Variants in COL13A1 observed in about 807,000 individuals in gnomAD.
The protein encoded by COL13A1 is collagen alpha-1(XIII) chain.
Under a neutral mutation model 130.9 loss-of-function variants are expected in COL13A1, and 89 were observed. The observed-to-expected ratio is 0.68, with a 90% CI of 0.57 to 0.81. The LOEUF (loss-of-function observed/expected upper bound fraction) is 0.81. COL13A1 is among the 30% of genes least tolerant of loss of function. The pLI is 0.00. For missense variants in COL13A1, 879 were observed against 934.6 expected (o/e 0.94, Z 0.78); for synonymous variants, 402 against 341.6 (o/e 1.18, Z -1.95).
At chr10:69,843,911 G>A (rs1394534870) in intron 2 of COL13A1, among the ~76,000 whole-genome samples, 1 of 152,212 alleles carries the variant, frequency 6.6e-6, no homozygotes, top group Non-Finnish European at 1.5e-5. Flanking sequence ...TTGAACATCT[G>A]CTGTGGGCCA....
At chr10:69,876,633 G>A (rs540504246) in intron 5 of COL13A1, among the ~76,000 whole-genome samples, 16 of 152,278 alleles carry the variant, frequency 1.1e-4, no homozygotes, top group South Asian at 2.1e-4. Context: ...CTCCCAAGCC[G>A]TCACAGGCTC....
chr10:69,894,473 C>T, intron 10 of COL13A1, 79 bp from the exon 11 acceptor site: 1 of 1,560,744 alleles, frequency 6.4e-7, no homozygotes, highest in East Asian at 2.3e-5. Flanking sequence ...GGATTCAGCC[C>T]CAATCCCCAC....
rs1351259855 is a variant in COL13A1, at chr10:69,938,931, C to T, written c.1878+1216C>T. On this transcript the variant is annotated intron_variant, in intron 34 of 40. Transcript: ENST00000645393. ...TCAACCACAAACCTCTTCTTATCCA[C>T]ATTCATGGCCCCAACGACCTTGATG... is the stretch of plus-strand genomic sequence containing the variant. 3.5e-4 allele frequency among the ~76,000 whole-genome samples: 53 copies of T among 152,178 alleles called. 1 individual carries two copies. The highest frequency in any genetic ancestry group is 3.5e-3 in the Admixed American group (53 of 15,272).
At chr10:69,915,789 T>G (rs2063855759) in intron 17 of COL13A1, among the ~76,000 whole-genome samples, 1 of 152,048 alleles carries the variant, frequency 6.6e-6, no homozygotes, top group Non-Finnish European at 1.5e-5. Flanking sequence ...AGACTCCAAA[T>G]GATGAATAGG....
intron 34 of COL13A1, among the ~76,000 whole-genome samples, chr10:69,938,644 G>C (rs950807599): frequency 4.6e-5 from 7 of 152,210 alleles, no homozygotes; most frequent in Non-Finnish European, 1.0e-4. Flanking sequence ...TAGCCATAAA[G>C]AGCAGAGAAA....
At chr10:69,827,474 C>T (rs1020647627) in intron 2 of COL13A1, among the ~76,000 whole-genome samples, 3 of 152,146 alleles carry the variant, frequency 2.0e-5, no homozygotes, top group African/African-American at 7.2e-5. Flanking sequence ...TGCCTCTGCC[C>T]TGGCTGTGCT....
At chr10:69,869,891 C>G (rs1053420279) in intron 3 of COL13A1, among the ~76,000 whole-genome samples, 1 of 152,188 alleles carries the variant, frequency 6.6e-6, no homozygotes, top group Non-Finnish European at 1.5e-5. Flanking sequence ...CAGCAGCTGC[C>G]AGGCCTTGCT....
In COL13A1 at chr10:69,858,665, C is replaced by T. The variant is rs549388877; in HGVS notation, c.365-9133C>T. The stretch of plus-strand genomic sequence containing the variant: ...CTGGGAGCCAACTTCAGGCAAGAGA[C>T]GAGCATGGTCTGAACTTAGCCCAGG... On this transcript the variant is annotated intron_variant, in intron 2 of 40. Coordinates refer to ENST00000645393, the MANE Select transcript of COL13A1 (RefSeq NM_001368882.1). Among the ~76,000 whole-genome samples the T allele has an allele frequency of 1.3e-3, 198 of 152,290 alleles. 1 individual carries two copies. Among genetic ancestry groups the T allele is most frequent in the Non-Finnish European group, 7.9e-4 (54 of 68,032 alleles).
At chr10:69,931,017 C>T (rs1337580935) in intron 30 of COL13A1, 9 of 351,536 alleles carry the variant, frequency 2.6e-5, no homozygotes, top group Non-Finnish European at 2.3e-5. Context: ...CTCTGGGTCT[C>T]AGGGGTTTCC....
intron 6 of COL13A1, among the ~76,000 whole-genome samples, chr10:69,879,695 A>G (rs2059940301): frequency 6.6e-6 from 1 of 152,160 alleles, no homozygotes; most frequent in African/African-American, 2.4e-5. Flanking sequence ...AGGTTTTGTG[A>G]CTTTTCCTGG....
At chr10:69,836,581 T>G (rs900046533) in intron 2 of COL13A1, among the ~76,000 whole-genome samples, 1 of 152,138 alleles carries the variant, frequency 6.6e-6, no homozygotes, top group Non-Finnish European at 1.5e-5. Context: ...ACAAACTCAC[T>G]TCCTCCCACC....
chr10:69,952,601 G>A (rs1039079229), intron 38 of COL13A1, among the ~76,000 whole-genome samples: 4 of 152,064 alleles, frequency 2.6e-5, no homozygotes, highest in Non-Finnish European at 5.9e-5. Flanking sequence ...TAGCAAAACC[G>A]GCCACCAAAA....
intron 1 of COL13A1, among the ~76,000 whole-genome samples, chr10:69,805,883 A>T (rs1841432842): frequency 6.6e-6 from 1 of 152,236 alleles, no homozygotes; most frequent in Admixed American, 6.5e-5. Context: ...GTTTTGTTAC[A>T]AAACAATTCT....
intron 2 of COL13A1, chr10:69,829,190 A>G (rs903396234): frequency 1.0e-6 from 1 of 979,132 alleles, no homozygotes; most frequent in African/African-American, 1.8e-5. Context: ...CATTCATCCC[A>G]CTCTGTCAAT....
intron 10 of COL13A1, among the ~76,000 whole-genome samples, chr10:69,893,193 A>C (rs1451564401): frequency 6.6e-6 from 1 of 152,250 alleles, no homozygotes; most frequent in Non-Finnish European, 1.5e-5. Flanking sequence ...TCTACAAAAA[A>C]ATGCAAGAGT....
In COL13A1 at chr10:69,952,923, T is replaced by G; in HGVS notation, c.2100T>G (p.Asp700Glu). ...GKKGSRGPKG[D>E]KGDQGAPGLD... is the part of the protein sequence containing the mutation. Reference sequence around the variant, plus strand: ...AAGGCTCTAGAGGGCCTAAAGGGGATAAGGGAGACCAAGGAGCGCCTGGAT... The same window carrying G: ...AAGGCTCTAGAGGGCCTAAAGGGGAGAAGGGAGACCAAGGAGCGCCTGGAT... Residue 700 changes from aspartate to glutamate, a missense_variant, in exon 39 of 41, where the codon GAT (aspartate) becomes GAG (glutamate). Asp to Glu is a conservative substitution (Grantham distance 45). This residue lies in a region of COL13A1 where 68 missense variants were observed against 65.8 expected (regional missense o/e 1.03). Coordinates refer to ENST00000645393, the MANE Select transcript of COL13A1 (RefSeq NM_001368882.1). The G allele has an allele frequency of 6.4e-7, 1 of 1,560,156 alleles. No homozygotes were observed. The highest frequency in any genetic ancestry group is 8.6e-7 in the Non-Finnish European group (1 of 1,160,256).
intron 18 of COL13A1, 142 bp from the exon 19 acceptor site, chr10:69,918,143 T>G: frequency 1.6e-6 from 1 of 617,104 alleles, no homozygotes; most frequent in Non-Finnish European, 2.8e-6. Flanking sequence ...ACCTCCCAGG[T>G]GGGGTTGGTG....
intron 37 of COL13A1, among the ~76,000 whole-genome samples, chr10:69,946,795 G>GT (rs201321769): frequency 0.012 from 1,748 of 151,230 alleles, 21 homozygotes; most frequent in African/African-American, 0.023. Context: ...TTTGTTTTTT[G>GT]TTTTTTGTTT....
chr10:69,860,134 G>A (rs1436139526), intron 2 of COL13A1, among the ~76,000 whole-genome samples: 1 of 152,298 alleles, frequency 6.6e-6, no homozygotes, highest in Middle Eastern at 3.4e-3. Flanking sequence ...TGGGGTTCCC[G>A]GCCTCAGTCT....
Sources: gnomAD v4.1 joint callset for allele counts (sites outside exome capture counted in the v4.1 genomes callset) on GRCh38, gnomAD v4.1.1 for gene constraint, gnomAD v4.1.1 regional missense constraint, MANE v1.5 for transcripts, NCBI Gene and HGNC (gene_info 2026-07-23, HGNC 2026-07-21) for gene names.